Variants in ZNF385C observed in about 807,000 individuals in gnomAD.
ZNF385C encodes the protein zinc finger protein 385C.
In ZNF385C, 28 loss-of-function variants were observed where a neutral mutation model predicts 35.4. The ratio of observed to expected loss-of-function variants is 0.79; its 90% CI spans 0.59 to 1.08. ZNF385C has a LOEUF of 1.08. Among genes scored for constraint, ZNF385C ranks in the 50% least tolerant of loss-of-function variants. ZNF385C has a pLI of 0.00. For missense variants in ZNF385C, 605 were observed against 595.6 expected (o/e 1.02, Z -0.16); for synonymous variants, 248 against 248.2 (o/e 1.00, Z 0.01).
intron 2 of ZNF385C, among the ~76,000 whole-genome samples, chr17:42,041,809 T>C (rs2143659300): frequency 6.6e-6 from 1 of 152,218 alleles, no homozygotes; most frequent in South Asian, 2.1e-4. Flanking sequence ...ACACAGTTAG[T>C]ACCTAGGACA....
chr17:42,033,683 G>A (rs112470896), intron 4 of ZNF385C, among the ~76,000 whole-genome samples: 31 of 152,314 alleles, frequency 2.0e-4, no homozygotes, highest in African/African-American at 7.0e-4. Context: ...AACCCTGGAG[G>A]TGGAGGCTGC....
At position 42,078,898 on chromosome 17, in the gene ZNF385C, T is replaced by C. The variant is rs12940409; in HGVS notation, c.-2-15840A>G. On this transcript the variant is annotated intron_variant, in intron 1 of 8. Transcript: ENST00000692273. ...TTGAAGTCAGGCAAATGTGTTTACG[T>C]TGCAACTTCGCCACTAATCGTGTGA... Among the ~76,000 whole-genome samples, 1,273 of 152,256 alleles carry C rather than the reference T, an allele frequency of 8.4e-3. 19 individuals are homozygous for C. Among genetic ancestry groups the C allele is most frequent in the African/African-American group, 0.029 (1,192 of 41,544 alleles).
At chr17:42,059,194 C>T (rs1346160598) in intron 2 of ZNF385C, among the ~76,000 whole-genome samples, 1 of 152,174 alleles carries the variant, frequency 6.6e-6, no homozygotes, top group Non-Finnish European at 1.5e-5. Flanking sequence ...TATCACTCCC[C>T]TCCCCTGCCC....
intron 2 of ZNF385C, among the ~76,000 whole-genome samples, chr17:42,056,316 T>C (rs535142033): frequency 6.6e-6 from 1 of 152,342 alleles, no homozygotes; most frequent in South Asian, 2.1e-4. Context: ...GGAGTGGCCA[T>C]GGGTCCCGAG....
At position 42,062,804 on chromosome 17, in the gene ZNF385C, G is replaced by C; in HGVS notation, c.250+3C>G. 1.7e-6 allele frequency: 1 copy of C among 599,622 alleles called. No individual in the cohort carries two copies. The highest frequency in any genetic ancestry group is 2.0e-5 in the South Asian group (1 of 50,672). 37.1% of individuals were successfully genotyped at this position (599,622 alleles called of 1,614,324 possible). A position where few individuals can be genotyped will look rare whatever the true frequency, so the allele number is the denominator to read the frequency against. On this transcript the variant is annotated splice_donor_region_variant and intron_variant, in intron 2 of 8. Transcript: ENST00000692273. Reference sequence around the variant, plus strand: ...GTGGGAGCAGCGTCCCCTCTACACTGACCTGGCCCTGAGGGGCTCTTCCCC... The same window carrying C: ...GTGGGAGCAGCGTCCCCTCTACACTCACCTGGCCCTGAGGGGCTCTTCCCC...
At chr17:42,078,275 T>C (rs2053706124) in intron 1 of ZNF385C, among the ~76,000 whole-genome samples, 1 of 152,002 alleles carries the variant, frequency 6.6e-6, no homozygotes, top group African/African-American at 2.4e-5. Context: ...CCTCACAACC[T>C]ACTAACCAGT....
chr17:42,087,799 C>G (rs1165546517), intron 1 of ZNF385C, among the ~76,000 whole-genome samples: 1 of 152,202 alleles, frequency 6.6e-6, no homozygotes, highest in Non-Finnish European at 1.5e-5. Context: ...CCTTTTGTTG[C>G]ACATACAATA....
intron 1 of ZNF385C, among the ~76,000 whole-genome samples, chr17:42,078,209 G>C (rs1555659416): frequency 6.6e-6 from 1 of 152,112 alleles, no homozygotes. Flanking sequence ...TTGGGGTGGG[G>C]GGATGCAAGG....
At chr17:42,039,493 C>A in intron 2 of ZNF385C, 1 of 394,206 alleles carries the variant, frequency 2.5e-6, no homozygotes, top group Non-Finnish European at 4.4e-6. Context: ...TCTCTGCCCA[C>A]CCGCCCAGGC....
chr17:42,033,003 C>G (rs1460803020), intron 4 of ZNF385C, among the ~76,000 whole-genome samples: 3 of 152,110 alleles, frequency 2.0e-5, no homozygotes, highest in Non-Finnish European at 4.4e-5. Context: ...GGATTACAGG[C>G]ATGAGCCACC....
At position 42,028,892 on chromosome 17, in the gene ZNF385C, G is replaced by A. The variant is rs7208473; in HGVS notation, c.858C>T (p.Ala286=). 2.5e-3 allele frequency: 3,953 copies of A among 1,550,542 alleles called. 93 individuals carry two copies. In the African/African-American group the frequency reaches 0.047, roughly 19 times the overall value. The part of the protein sequence containing the change: ...EAPGPEPAAA[A]VGSSMSGEGR... ...CTTCCCCACTCATGCTGCTTCCCAC[G>A]GCAGCTGCCGCTGGCTCAGGCCCCG... The change falls in exon 6 of 9, where the codon GCC becomes GCT. Residue 286 remains alanine (A), a synonymous_variant. Transcript: ENST00000692273.
In ZNF385C at chr17:42,030,670, A is replaced by G. The variant is rs192255940; in HGVS notation, c.676+949T>C. 8.1e-4 allele frequency among the ~76,000 whole-genome samples: 124 copies of G among 152,318 alleles called. 5 individuals carry two copies. In the South Asian group the frequency reaches 0.021, roughly 26 times the overall value. ...AGTGTCTCCCCCAAAATTCACATCT[A>G]TCTGGAACCTCAGAATGTGACCTTA... On this transcript the variant is annotated intron_variant, in intron 5 of 8. Transcript: ENST00000692273.
intron 2 of ZNF385C, among the ~76,000 whole-genome samples, chr17:42,044,331 A>T: frequency 8.7e-6 from 1 of 115,360 alleles, no homozygotes. Context: ...AAAAAAAAAA[A>T]GACGGCCGGG....
At chr17:42,094,456 G>A (rs2053897101) in intron 1 of ZNF385C, among the ~76,000 whole-genome samples, 1 of 152,186 alleles carries the variant, frequency 6.6e-6, no homozygotes, top group South Asian at 2.1e-4. Context: ...GAGTGGGAGT[G>A]TGAGAGAGAG....
chr17:42,087,910 C>T (rs931239503), intron 1 of ZNF385C, among the ~76,000 whole-genome samples: 7 of 152,176 alleles, frequency 4.6e-5, no homozygotes, highest in African/African-American at 1.7e-4. Context: ...CCCCCACTAC[C>T]TATATATAAA....
chr17:42,088,262 A>C (rs975081661), intron 1 of ZNF385C, among the ~76,000 whole-genome samples: 2 of 152,232 alleles, frequency 1.3e-5, no homozygotes, highest in Non-Finnish European at 2.9e-5. Context: ...CCGGAGAGGA[A>C]GAGACTTGCC....
chr17:42,055,653 C>G (rs2053362883), intron 2 of ZNF385C, among the ~76,000 whole-genome samples: 1 of 152,130 alleles, frequency 6.6e-6, no homozygotes, highest in Admixed American at 6.5e-5. Context: ...CAGGGAGATA[C>G]CGAAGGATGG....
intron 1 of ZNF385C, among the ~76,000 whole-genome samples, chr17:42,082,235 C>T (rs543951803): frequency 6.6e-6 from 1 of 152,344 alleles, no homozygotes; most frequent in Admixed American, 6.5e-5. Flanking sequence ...GCACATGGCA[C>T]CAAGCCCAGC....
intron 1 of ZNF385C, among the ~76,000 whole-genome samples, chr17:42,089,367 C>T (rs2053841586): frequency 6.6e-6 from 1 of 152,056 alleles, no homozygotes; most frequent in Non-Finnish European, 1.5e-5. Flanking sequence ...CTGATCAAGT[C>T]ATGCTCTGGG....
Sources: gnomAD v4.1 joint callset for allele counts (sites outside exome capture counted in the v4.1 genomes callset) on GRCh38, gnomAD v4.1.1 for gene constraint, MANE v1.5 for transcripts, NCBI Gene and HGNC (gene_info 2026-07-23, HGNC 2026-07-21) for gene names.